The following TCF12 variants were observed in gnomAD, a reference collection of about 807,000 sequenced individuals.
TCF12 encodes the protein DNA-binding protein HTF4.
In TCF12, 45 loss-of-function variants were observed where a neutral mutation model predicts 86.0. The observed-to-expected ratio is 0.52, with a 90% CI of 0.41 to 0.67. The LOEUF (loss-of-function observed/expected upper bound fraction) is 0.67, where lower values mean the gene tolerates loss of function less well. Ranked by LOEUF, TCF12 falls within the 30% of genes least tolerant of loss-of-function variation. The probability of loss-of-function intolerance (pLI) is 0.00; values close to 1 mark genes in which losing one functional copy is unlikely to be tolerated. For missense variants in TCF12, 881 were observed against 859.9 expected, an observed-to-expected ratio of 1.02 and a Z score of -0.31; for synonymous variants, 330 against 299.6, an observed-to-expected ratio of 1.10 and a Z score of -1.05.
In TCF12 at chr15:56,969,106, A is replaced by T. The variant is rs767956097; in HGVS notation, c.148+48008A>T. ...TCTGTTTGTCCTTTGTCAACAAGGA[A>T]TTTCCTTGTGGGCAAATTGTGAGGG... On this transcript the variant is annotated intron_variant, in intron 3 of 20. Coordinates refer to ENST00000333725, the MANE Select transcript of TCF12 (RefSeq NM_207037.2). Among the ~76,000 whole-genome samples the T allele has an allele frequency of 1.2e-3, 183 of 152,168 alleles. 2 individuals are homozygous for T. Among genetic ancestry groups the T allele is most frequent in the Non-Finnish European group, 3.5e-4 (24 of 68,026 alleles).
intron 6 of TCF12, among the ~76,000 whole-genome samples, chr15:57,183,236 C>T (rs1366437283): frequency 6.6e-6 from 1 of 152,176 alleles, no homozygotes; most frequent in Non-Finnish European, 1.5e-5. Flanking sequence ...GTTAACATTT[C>T]ACCACATTTG....
chr15:57,271,043 C>T (rs1276156580), intron 18 of TCF12, among the ~76,000 whole-genome samples: 5 of 152,204 alleles, frequency 3.3e-5, no homozygotes, highest in Admixed American at 6.5e-5. Flanking sequence ...CTTGAGGAGG[C>T]AGTCTCTCCA....
intron 3 of TCF12, among the ~76,000 whole-genome samples, chr15:56,941,179 A>G (rs911437041): frequency 1.3e-4 from 19 of 151,528 alleles, no homozygotes; most frequent in Non-Finnish European, 5.9e-5. Flanking sequence ...AGCCTGGGTA[A>G]CATGGCGAAA....
intron 8 of TCF12, among the ~76,000 whole-genome samples, chr15:57,205,094 C>G (rs567065710): frequency 2.0e-5 from 3 of 152,104 alleles, no homozygotes; most frequent in African/African-American, 7.2e-5. Context: ...GGGCAGATCA[C>G]TTGAGCCCAG....
rs113906028 is a variant in TCF12, at chr15:57,084,720, A to G, written c.223-7069A>G. On this transcript the variant is annotated intron_variant, in intron 4 of 20. Coordinates refer to ENST00000333725, the MANE Select transcript of TCF12 (RefSeq NM_207037.2). ...ACTATCTAGTATTTCACAAAAGAATACTTCTTGGAAATAAACTAAAGAATA... is the reference window on the plus strand; with the variant it reads ...ACTATCTAGTATTTCACAAAAGAATGCTTCTTGGAAATAAACTAAAGAATA... Among the ~76,000 whole-genome samples, 119 of 152,270 alleles carry G rather than the reference A, an allele frequency of 7.8e-4. 4 individuals are homozygous for G. Among genetic ancestry groups the G allele is most frequent in the African/African-American group, 2.8e-3 (117 of 41,558 alleles).
At chr15:57,177,638 G>GAGAGAGAGAGAGAGAGAGAGAGAGA (rs2056039089) in intron 6 of TCF12, among the ~76,000 whole-genome samples, 3 of 151,108 alleles carry the variant, frequency 2.0e-5, no homozygotes, top group Non-Finnish European at 3.0e-5. Flanking sequence ...GAGAGAGAGA[G>GAGAGAGAGAGAGAGAGAGAGAGAGA]TTGGATTAGG....
intron 4 of TCF12, among the ~76,000 whole-genome samples, chr15:57,074,297 A>G (rs1270149417): frequency 6.6e-6 from 1 of 151,436 alleles, no homozygotes; most frequent in Admixed American, 6.6e-5. Context: ...TTTAGCTCAT[A>G]TAGAAATCTA....
At position 56,960,335 on chromosome 15, in the gene TCF12, C is replaced by G. The variant is rs146475803; in HGVS notation, c.148+39237C>G. Among the ~76,000 whole-genome samples, 671 of 152,020 alleles carry G rather than the reference C, an allele frequency of 4.4e-3. 7 individuals carry two copies. The highest frequency in any genetic ancestry group is 0.021 in the Admixed American group (325 of 15,268). On this transcript the variant is annotated intron_variant, in intron 3 of 20. Transcript: ENST00000333725. The stretch of plus-strand genomic sequence containing the variant: ...TTTTGAAAGTCCTACGAAATGTTTG[C>G]TGCAAGTTAGTCATACAGAGAATTG...
intron 3 of TCF12, among the ~76,000 whole-genome samples, chr15:57,056,925 G>A (rs1351916383): frequency 6.6e-6 from 1 of 151,824 alleles, no homozygotes; most frequent in African/African-American, 2.4e-5. Context: ...TTGGCCTCTG[G>A]TGATTATCTT....
At chr15:57,077,493 GTTTAA>G (rs1346602367) in intron 4 of TCF12, among the ~76,000 whole-genome samples, 1 of 149,890 alleles carries the variant, frequency 6.7e-6, no homozygotes, top group Non-Finnish European at 1.5e-5. Flanking sequence ...CACATTTTCT[GTTTAA>G]TTTATTAACT....
At chr15:57,167,080 T>C (rs11071308) in intron 6 of TCF12, among the ~76,000 whole-genome samples, 100,082 of 152,092 alleles carry the variant, frequency 0.66, 36,256 homozygotes, top group Non-Finnish European at 0.81. Flanking sequence ...GCAGAACATA[T>C]TAAATTTGTT....
rs139182382 is a variant in TCF12, at chr15:57,071,815, G to A, written c.222+7992G>A. On this transcript the variant is annotated intron_variant, in intron 4 of 20. Coordinates refer to ENST00000333725, the MANE Select transcript of TCF12 (RefSeq NM_207037.2). ...ACTTAATAGAGGAGGAAGTGTTTGA[G>A]TAGACTGTTACAGGACAGATAGCAT... 2.6e-3 allele frequency among the ~76,000 whole-genome samples: 397 copies of A among 152,304 alleles called. 1 individual carries two copies. Among genetic ancestry groups the A allele is most frequent in the Middle Eastern group, 0.01 (3 of 294 alleles).
intron 5 of TCF12, among the ~76,000 whole-genome samples, chr15:57,099,037 T>A (rs1271422993): frequency 2.6e-5 from 4 of 152,196 alleles, no homozygotes; most frequent in African/African-American, 9.7e-5. Context: ...TTCTTCATGG[T>A]TGCTATATTG....
intron 3 of TCF12, among the ~76,000 whole-genome samples, chr15:56,995,528 G>A (rs1023849182): frequency 1.3e-5 from 2 of 151,566 alleles, no homozygotes; most frequent in Non-Finnish European, 2.9e-5. Context: ...GATCTTTTAC[G>A]TCCTTGATTA....
At chr15:56,989,071 CT>C (rs1260788993) in intron 3 of TCF12, among the ~76,000 whole-genome samples, 7 of 152,010 alleles carry the variant, frequency 4.6e-5, no homozygotes, top group African/African-American at 1.7e-4. Context: ...CAAGAGATGA[CT>C]ATTTATTGAC....
chr15:56,921,205 A>G, intron 3 of TCF12, 107 bp downstream of exon 3: 1 of 687,154 alleles, frequency 1.5e-6, no homozygotes, highest in Non-Finnish European at 2.1e-6. Flanking sequence ...ATGTATATAA[A>G]AGATGGAATT....
chr15:57,130,866 A>G (rs1390667133), intron 5 of TCF12, among the ~76,000 whole-genome samples: 2 of 152,204 alleles, frequency 1.3e-5, no homozygotes, highest in South Asian at 4.1e-4. Flanking sequence ...TCATATCAGG[A>G]AATTAAAGTT....
rs141377355 is a variant in TCF12 at position 57,150,746 on chromosome 15, G to A, written c.326-15656G>A. Among the ~76,000 whole-genome samples the A allele has an allele frequency of 1.6e-3, 250 of 152,162 alleles. 1 individual carries two copies. The highest frequency in any genetic ancestry group is 5.0e-3 in the South Asian group (24 of 4,816). On this transcript the variant is annotated intron_variant, in intron 5 of 20. Coordinates refer to ENST00000333725, the MANE Select transcript of TCF12 (RefSeq NM_207037.2). Reference sequence around the variant, plus strand: ...ATGTTAAAATGGCTTTTATAAATACGCTTGATAGCTCAAGAATGTAGAGGA... The same window carrying A: ...ATGTTAAAATGGCTTTTATAAATACACTTGATAGCTCAAGAATGTAGAGGA...
intron 3 of TCF12, among the ~76,000 whole-genome samples, chr15:56,944,663 T>C (rs1210127341): frequency 6.6e-6 from 1 of 152,164 alleles, no homozygotes; most frequent in Non-Finnish European, 1.5e-5. Flanking sequence ...GCACTAGATA[T>C]TTTCGTAGAA....
Sources: gnomAD v4.1 joint callset for allele counts (sites outside exome capture counted in the v4.1 genomes callset) on GRCh38, gnomAD v4.1.1 for gene constraint, MANE v1.5 for transcripts, NCBI Gene and HGNC (gene_info 2026-07-23, HGNC 2026-07-21) for gene names.